The following GALE variants were observed in gnomAD, a reference collection of about 807,000 sequenced individuals.
GALE encodes the protein UDP-galactose-4-epimerase.
A neutral mutation model predicts 44.1 loss-of-function variants in GALE; 32 were observed. The observed-to-expected ratio is 0.73, with a 90% CI of 0.55 to 0.97. GALE has a LOEUF of 0.97. GALE is among the 50% of genes least tolerant of loss of function. GALE has a pLI of 0.00. For synonymous variants in GALE, 182 were observed against 183.5 expected (o/e 0.99, Z 0.06); for missense variants, 423 against 455.6 (o/e 0.93, Z 0.65).
chr1:23,797,614 G>A lies in GALE; in HGVS notation c.528+81C>T, dbSNP rs546561799. On this transcript the variant is annotated intron_variant, in intron 6 of 11. Transcript: ENST00000617979. The stretch of plus-strand genomic sequence containing the variant: ...GCTTCCTCCTTAGTGGGGGTGTTCG[G>A]AATCCCACCCCTGGGCTCAGGGTGG... The A allele has an allele frequency of 7.3e-5, 101 of 1,389,656 alleles. No homozygotes were observed. In the South Asian group the frequency reaches 9.0e-4, roughly 12 times the overall value. 86.1% of individuals were successfully genotyped at this position (1,389,656 alleles called of 1,614,324 possible).
At position 23,796,707 on chromosome 1, in the gene GALE, C is replaced by T. The variant is rs746298845; in HGVS notation, c.785G>A (p.Cys262Tyr). 1.2e-6 allele frequency: 2 copies of T among 1,613,228 alleles called. No homozygotes were observed. The highest frequency in any genetic ancestry group is 1.7e-6 in the Non-Finnish European group (2 of 1,179,712). ...CCCTTCTCTTCCTACCCGGCAGCCA[C>T]ACTGTTCTTTCAGCTTCCTTAAGGC... ...IAALRKLKEQ[C>Y]GCRIYNLGTG... Residue 262 changes from cysteine (C) to tyrosine (Y), a missense_variant, in exon 9 of 12, where the codon TGT becomes TAT. Physicochemically the swap from Cys to Tyr is radical, Grantham distance 194. Transcript: ENST00000617979. This position sits in a 1 kb window ranked among gnomAD's most constrained non-coding sequence, Gnocchi z 5.2.
In GALE at chr1:23,795,873, C is replaced by T. The variant is rs1484516766; in HGVS notation, c.*76G>A. ...GGCCTTGGCTTGGCCCCAGCAGCTC[C>T]AGGGCCCTGAGTTCCTGCCAGAGGC... On this transcript the variant is annotated 3_prime_UTR_variant, in exon 12 of 12. Transcript: ENST00000617979. 14 of 1,459,094 alleles carry T rather than the reference C, an allele frequency of 9.6e-6. No individual in the cohort carries two copies. Among genetic ancestry groups the T allele is most frequent in the Admixed American group, 1.7e-5 (1 of 57,678 alleles). 90.4% of individuals were successfully genotyped at this position (1,459,094 alleles called of 1,614,324 possible).
chr1:23,798,712 T>G lies in GALE; in HGVS notation c.140A>C (p.Glu47Ala), dbSNP rs367768055. ...NAFRGGGSLPESLRRVQELTG... is the reference protein window; with the variant it reads ...NAFRGGGSLPASLRRVQELTG... Reference sequence around the variant, plus strand: ...CAGCTCCTGGACCCGCCGCAGGCTCTCAGGCAGGGAGCCCCCTCCTGGTAG... The same window carrying G: ...CAGCTCCTGGACCCGCCGCAGGCTCGCAGGCAGGGAGCCCCCTCCTGGTAG... The change falls in exon 4 of 12, where the codon GAG (glutamate) becomes GCG (alanine). Residue 47 changes from glutamate to alanine, a missense_variant. Coordinates refer to ENST00000617979, the MANE Select transcript of GALE (RefSeq NM_001008216.2). This position sits in a 1 kb window ranked among gnomAD's most constrained non-coding sequence, Gnocchi z 4.5. The G allele has an allele frequency of 2.7e-5, 43 of 1,613,828 alleles. No individual in the cohort carries two copies. In the African/African-American group the frequency reaches 3.7e-4, roughly 14 times the overall value.
rs1638954365 is a variant in GALE at position 23,796,463 on chromosome 1, C to CTGGGTGGGGTGAGG, written c.873+32_873+45dup. 1 of 1,142,036 alleles carries CTGGGTGGGGTGAGG rather than the reference C, an allele frequency of 8.8e-7. No homozygotes were observed. Among genetic ancestry groups the CTGGGTGGGGTGAGG allele is most frequent in the Admixed American group, 2.4e-5 (1 of 41,552 alleles). 70.7% of individuals were successfully genotyped at this position (1,142,036 alleles called of 1,614,324 possible). A position where few individuals can be genotyped will look rare whatever the true frequency, so the allele number is the denominator to read the frequency against. On this transcript the variant is annotated intron_variant, in intron 10 of 11. Coordinates refer to ENST00000617979, the MANE Select transcript of GALE (RefSeq NM_001008216.2). The surrounding 1 kb of genome is among the most constrained non-coding windows in gnomAD (Gnocchi z 5.2). ...GCCAAAGCTGCTCTGTTGCTGAGAG[C>CTGGGTGGGGTGAGG]TGGGTGGGGTGAGGTGGGTGAGGTG...
chr1:23,799,910 C>T (rs1557482027), intron 1 of GALE: 1 of 152,580 alleles, frequency 6.6e-6, no homozygotes, highest in African/African-American at 2.4e-5. Context: ...GCCCCAGACA[C>T]TGAGGCCTTT....
chr1:23,798,535 G>A lies in GALE; in HGVS notation c.237+80C>T, dbSNP rs187099953. 3 of 1,017,572 alleles carry A rather than the reference G, an allele frequency of 2.9e-6. No homozygotes were observed. The highest frequency in any genetic ancestry group is 4.8e-5 in the East Asian group (2 of 41,822). 63.0% of individuals were successfully genotyped at this position (1,017,572 alleles called of 1,614,324 possible). On this transcript the variant is annotated intron_variant, in intron 4 of 11. Transcript: ENST00000617979. This position sits in a 1 kb window ranked among gnomAD's most constrained non-coding sequence, Gnocchi z 4.5. ...TGAGCAGGCTGGTCTTGAACACCTG[G>A]GCTCAAGTGATCTCCTCACCTCGGC...
rs1638922327 is a variant in GALE at position 23,795,620 on chromosome 1, T to G, written c.*329A>C. 1 of 458,498 alleles carries G rather than the reference T, an allele frequency of 2.2e-6. No homozygotes were observed. Among genetic ancestry groups the G allele is most frequent in the African/African-American group, 2.0e-5 (1 of 50,916 alleles). The allele number at this position is 458,498 out of a possible 1,614,324, so 28.4% of individuals were successfully genotyped here. ...CTGCCCCAGTGTAAGAAAACTTGTTTTTATTTTTAAATACTTTGGAAAGCT... is the reference window on the plus strand; with the variant it reads ...CTGCCCCAGTGTAAGAAAACTTGTTGTTATTTTTAAATACTTTGGAAAGCT... On this transcript the variant is annotated 3_prime_UTR_variant, in exon 12 of 12. Coordinates refer to ENST00000617979, the MANE Select transcript of GALE (RefSeq NM_001008216.2).
Position 23,796,404 on chromosome 1 carries a change from T to C in GALE, c.873+105A>G, listed in dbSNP as rs1331995233. ...TAGGCAGGCTGAGGAGACTGGGCAG[T>C]GCCAGGTACCCTCCAGAGAGGTGAG... is the stretch of plus-strand genomic sequence containing the variant. On this transcript the variant is annotated intron_variant, in intron 10 of 11. Coordinates refer to ENST00000617979, the MANE Select transcript of GALE (RefSeq NM_001008216.2). This position sits in a 1 kb window ranked among gnomAD's most constrained non-coding sequence, Gnocchi z 5.2. 4.2e-6 allele frequency: 6 copies of C among 1,431,022 alleles called. No homozygotes were observed. In the Admixed American group the frequency reaches 8.8e-5, roughly 21 times the overall value. The allele number at this position is 1,431,022 out of a possible 1,614,324, so 88.6% of individuals were successfully genotyped here. A position where few individuals can be genotyped will look rare whatever the true frequency, so the allele number is the denominator to read the frequency against.
Position 23,798,404 on chromosome 1 carries a change from A to G in GALE, c.238-174T>C. On this transcript the variant is annotated intron_variant, in intron 4 of 11. Transcript: ENST00000617979. This position sits in a 1 kb window ranked among gnomAD's most constrained non-coding sequence, Gnocchi z 4.5. ...ACCGCAACCTCCACCTCCCAGGCTCAAGCCATCCTCCCATGCCAGCCTCCC... is the reference window on the plus strand; with the variant it reads ...ACCGCAACCTCCACCTCCCAGGCTCGAGCCATCCTCCCATGCCAGCCTCCC... The G allele has an allele frequency of 2.8e-6, 2 of 704,640 alleles. No homozygotes were observed. Among genetic ancestry groups the G allele is most frequent in the African/African-American group, 1.8e-5 (1 of 56,804 alleles). The allele number at this position is 704,640 out of a possible 1,614,324, so 43.6% of individuals were successfully genotyped here. A position where few individuals can be genotyped will look rare whatever the true frequency, so the allele number is the denominator to read the frequency against.
At chr1:23,800,670 C>CCCCTCGCGAG (rs1469509828) in intron 1 of GALE, 42 bp downstream of exon 1, 1 of 151,744 alleles carries the variant, frequency 6.6e-6, no homozygotes. Flanking sequence ...GACTCCCCGG[C>CCCCTCGCGAG]CCCTCGCGAG....
Position 23,796,531 on chromosome 1 carries a change from A to G in GALE, c.851T>C (p.Met284Thr). The G allele has an allele frequency of 6.2e-7, 1 of 1,613,776 alleles. No individual in the cohort carries two copies. Among genetic ancestry groups the G allele is most frequent in the Non-Finnish European group, 8.5e-7 (1 of 1,179,998 alleles). The change falls in exon 10 of 12, where the codon ATG (methionine) becomes ACG (threonine). Residue 284 changes from methionine (M) to threonine (T), a missense_variant. Physicochemically the swap from Met to Thr is moderately conservative, Grantham distance 81 (BLOSUM62 -1). Transcript: ENST00000617979. This position sits in a 1 kb window ranked among gnomAD's most constrained non-coding sequence, Gnocchi z 5.2. ...GYSVLQMVQA[M>T]EKASGKKIPY... ...TACCTTCTTCCCAGAGGCCTTCTCC[A>G]TAGCCTGGACCATCTGCAGCACTGA... is the stretch of plus-strand genomic sequence containing the variant.
chr1:23,798,094 G>A lies in GALE; in HGVS notation c.351+23C>T. On this transcript the variant is annotated intron_variant, in intron 5 of 11. Coordinates refer to ENST00000617979, the MANE Select transcript of GALE (RefSeq NM_001008216.2). This position sits in a 1 kb window ranked among gnomAD's most constrained non-coding sequence, Gnocchi z 4.5. ...CCAGCTGGACACCCTCCTAGTGTCTGTGCCCTGTCCCATGCCTCTCACCTC... is the reference window on the plus strand; with the variant it reads ...CCAGCTGGACACCCTCCTAGTGTCTATGCCCTGTCCCATGCCTCTCACCTC... 1 of 1,573,248 alleles carries A rather than the reference G, an allele frequency of 6.4e-7. No homozygotes were observed. The highest frequency in any genetic ancestry group is 1.1e-5 in the South Asian group (1 of 90,280).
Position 23,796,041 on chromosome 1 carries a change from C to T in GALE, c.989-34G>A, listed in dbSNP as rs767811334. The T allele has an allele frequency of 2.0e-5, 32 of 1,611,888 alleles. No homozygotes were observed. The highest frequency in any genetic ancestry group is 1.9e-4 in the South Asian group (17 of 90,876). ...CGGCGAGGTGTGTGCTCAGGGCCCA[C>T]GGTGGAATGCAGAGCCTCCCCCACC... On this transcript the variant is annotated intron_variant, in intron 11 of 11. Transcript: ENST00000617979. This position sits in a 1 kb window ranked among gnomAD's most constrained non-coding sequence, Gnocchi z 5.2.
intron 1 of GALE, chr1:23,800,173 G>C (rs752271925): frequency 6.6e-6 from 1 of 152,310 alleles, no homozygotes; most frequent in African/African-American, 2.4e-5. Context: ...TGGCGACAGC[G>C]GGCTGGAATC....
rs746478560 is a variant in GALE at position 23,796,491 on chromosome 1, TGGGGC to T, written c.873+13_873+17del. The stretch of plus-strand genomic sequence containing the variant: ...GGTGGGGTGAGGTGGGTGAGGTGGG[TGGGGC>T]GGGGGGGCCTACCTTCTTCCCAGAG... On this transcript the variant is annotated intron_variant, in intron 10 of 11. Coordinates refer to ENST00000617979, the MANE Select transcript of GALE (RefSeq NM_001008216.2). The surrounding 1 kb of genome is among the most constrained non-coding windows in gnomAD (Gnocchi z 5.2). 353 of 663,616 alleles carry T rather than the reference TGGGGC, an allele frequency of 5.3e-4. 1 individual carries two copies. Among genetic ancestry groups the T allele is most frequent in the Non-Finnish European group, 5.8e-4 (280 of 483,172 alleles). The allele number at this position is 663,616 out of a possible 1,614,324, so 41.1% of individuals were successfully genotyped here.
At position 23,796,954 on chromosome 1, in the gene GALE, G is replaced by A; in HGVS notation, c.643-12C>T. ...CGCCCGATCGCCACCTGGAGGTGGA[G>A]ATCAGGTCAGTTCGTCCCAGATCCC... On this transcript the variant is annotated splice_polypyrimidine_tract_variant and intron_variant, in intron 7 of 11. Coordinates refer to ENST00000617979, the MANE Select transcript of GALE (RefSeq NM_001008216.2). This position sits in a 1 kb window ranked among gnomAD's most constrained non-coding sequence, Gnocchi z 5.2. 6.2e-7 allele frequency: 1 copy of A among 1,612,600 alleles called. No homozygotes were observed. The highest frequency in any genetic ancestry group is 8.5e-7 in the Non-Finnish European group (1 of 1,179,304).
At chr1:23,799,599 C>G in intron 1 of GALE, 163 bp from the exon 2 acceptor site, 1 of 167,582 alleles carries the variant, frequency 6.0e-6, no homozygotes, top group Admixed American at 5.5e-5. Context: ...CCCCCACCCC[C>G]TTTCCCTCAA....
At position 23,796,095 on chromosome 1, in the gene GALE, A is replaced by T; in HGVS notation, c.988+56T>A. On this transcript the variant is annotated intron_variant, in intron 11 of 11. Transcript: ENST00000617979. This position sits in a 1 kb window ranked among gnomAD's most constrained non-coding sequence, Gnocchi z 5.2. The stretch of plus-strand genomic sequence containing the variant: ...CAGCCCGCCCTGGGTGGGCATGCCC[A>T]GATCTGATTTAGCCCCTCCCTGGCC... 1 of 1,595,946 alleles carries T rather than the reference A, an allele frequency of 6.3e-7. No homozygotes were observed. Among genetic ancestry groups the T allele is most frequent in the Non-Finnish European group, 8.6e-7 (1 of 1,164,192 alleles).
At chr1:23,797,241 A>AGAT in intron 6 of GALE, 94 bp from the exon 7 acceptor site, 1 of 882,442 alleles carries the variant, frequency 1.1e-6, no homozygotes. Context: ...TGTTTTTTTG[A>AGAT]GATGGAGTCT....
Sources: allele counts gnomAD v4.1 joint callset, GRCh38; gene constraint gnomAD v4.1.1; non-coding constraint Gnocchi (gnomAD v3.1); transcripts MANE v1.5; gene names NCBI Gene and HGNC (gene_info 2026-07-23, HGNC 2026-07-21).